BAZ2B: variants seen among roughly 807,000 people sequenced by gnomAD.
The protein encoded by BAZ2B is bromodomain adjacent to zinc finger domain 2B.
In BAZ2B, 91 loss-of-function variants were observed where a neutral mutation model predicts 246.0. That is an observed-to-expected ratio of 0.37 (90% CI 0.31 to 0.44). BAZ2B has a LOEUF of 0.44. BAZ2B is among the 20% of genes least tolerant of loss of function. BAZ2B has a pLI of 1.00. For missense variants in BAZ2B, 2,332 were observed against 2,533.7 expected (o/e 0.92, Z 1.71); for synonymous variants, 855 against 860.0 (o/e 0.99, Z 0.10).
At chr2:159,432,298 G>C (rs1029755911) in intron 9 of BAZ2B, among the ~76,000 whole-genome samples, 1 of 152,010 alleles carries the variant, frequency 6.6e-6, no homozygotes. Flanking sequence ...AATTAAATCA[G>C]AGAGTCCTCT....
At position 159,606,606 on chromosome 2, in the gene BAZ2B, G is replaced by A. The variant is rs1693552575; in HGVS notation, c.-46+9636C>T. Among the ~76,000 whole-genome samples, 7 of 152,128 alleles carry A rather than the reference G, an allele frequency of 4.6e-5. No individual in the cohort carries two copies. The South Asian group carries it at 1.4e-3, about 32-fold the overall frequency. On this transcript the variant is annotated intron_variant, in intron 1 of 36. Transcript: ENST00000392783. ...CACTAGATAACTTTTTATTTCCACTGTTTTCCATCTTTAATTTACCTCAAA... is the reference window on the plus strand; with the variant it reads ...CACTAGATAACTTTTTATTTCCACTATTTTCCATCTTTAATTTACCTCAAA...
chr2:159,457,728 C>T (rs761078751), intron 3 of BAZ2B, among the ~76,000 whole-genome samples: 1 of 152,258 alleles, frequency 6.6e-6, no homozygotes, highest in Non-Finnish European at 1.5e-5. Context: ...TATTTCTCAG[C>T]ACCACCTCCA....
intron 2 of BAZ2B, among the ~76,000 whole-genome samples, chr2:159,552,593 A>T (rs1179168402): frequency 6.6e-6 from 1 of 152,218 alleles, no homozygotes; most frequent in African/African-American, 2.4e-5. Context: ...TGACGTTAGT[A>T]CTTGAACTCT....
chr2:159,549,129 A>G (rs1426664065), intron 2 of BAZ2B, among the ~76,000 whole-genome samples: 2 of 152,072 alleles, frequency 1.3e-5, no homozygotes, highest in South Asian at 4.1e-4. Context: ...AAAAATAGAA[A>G]AATTAGCCAG....
intron 12 of BAZ2B, 113 bp downstream of exon 12, chr2:159,428,198 A>G: frequency 8.9e-7 from 1 of 1,119,180 alleles, no homozygotes; most frequent in Non-Finnish European, 1.3e-6. Context: ...AGTCCCATAC[A>G]AGAGAATATT....
the BAZ2B span, among the ~76,000 whole-genome samples, chr2:159,627,090 C>T: frequency 4.6e-5 from 7 of 152,106 alleles, no homozygotes; most frequent in Non-Finnish European, 8.8e-5. Flanking sequence ...ATTTCATAGA[C>T]ACATACACCG....
At chr2:159,483,061 G>A (rs1019258126) in intron 2 of BAZ2B, among the ~76,000 whole-genome samples, 1 of 151,928 alleles carries the variant, frequency 6.6e-6, no homozygotes, top group Non-Finnish European at 1.5e-5. Context: ...TTCAAAACCA[G>A]CCTAGATATC....
the BAZ2B span, among the ~76,000 whole-genome samples, chr2:159,642,240 T>TTC: frequency 2.1e-4 from 30 of 145,208 alleles, no homozygotes; most frequent in South Asian, 2.1e-3. Flanking sequence ...CTTTCTTTCT[T>TTC]TTTTTTTTTT....
the BAZ2B span, among the ~76,000 whole-genome samples, chr2:159,629,384 T>C: frequency 2.0e-5 from 3 of 152,178 alleles, no homozygotes; most frequent in African/African-American, 7.2e-5. Flanking sequence ...CATATGTTTA[T>C]TGCAGCACTA....
chr2:159,427,178 G>T (rs551578846), intron 13 of BAZ2B, among the ~76,000 whole-genome samples: 1 of 152,218 alleles, frequency 6.6e-6, no homozygotes, highest in East Asian at 1.9e-4. Context: ...AAGAATCTAG[G>T]TCTCATCACT....
intron 27 of BAZ2B, among the ~76,000 whole-genome samples, chr2:159,359,754 G>T (rs1408530114): frequency 6.6e-6 from 1 of 152,050 alleles, no homozygotes; most frequent in Non-Finnish European, 1.5e-5. Context: ...AAGCTTATCT[G>T]CCCTGATCAA....
At position 159,455,932 on chromosome 2, in the gene BAZ2B, T is replaced by C. The variant is rs148663462; in HGVS notation, c.146-2131A>G. Among the ~76,000 whole-genome samples the C allele has an allele frequency of 5.5e-4, 83 of 152,106 alleles. 1 individual carries two copies. In the East Asian group the frequency reaches 0.016, roughly 29 times the overall value. On this transcript the variant is annotated intron_variant, in intron 3 of 36. Coordinates refer to ENST00000392783, the MANE Select transcript of BAZ2B (RefSeq NM_013450.4). ...ACTTCCTGACTCAAATGTTGTTAAA[T>C]GTTTTATTTATAAACATACTATGAT...
At chr2:159,374,794 A>T (rs1475547993) in intron 25 of BAZ2B, 41 bp from the exon 26 acceptor site, 1 of 1,550,146 alleles carries the variant, frequency 6.5e-7, no homozygotes, top group African/African-American at 1.4e-5. Context: ...CTGTTTTAAG[A>T]TTTATTTATT....
intron 27 of BAZ2B, among the ~76,000 whole-genome samples, chr2:159,370,564 G>A (rs1421048425): frequency 6.6e-6 from 1 of 151,426 alleles, no homozygotes; most frequent in Non-Finnish European, 1.5e-5. Flanking sequence ...AGTAGAGACG[G>A]GGTTTCACCA....
intron 1 of BAZ2B, among the ~76,000 whole-genome samples, chr2:159,593,688 C>A (rs916692630): frequency 7.2e-5 from 11 of 152,178 alleles, no homozygotes; most frequent in Non-Finnish European, 1.0e-4. Flanking sequence ...CTTTGTCCAG[C>A]ATATCTACTC....
chr2:159,675,348 G>A, the BAZ2B span, among the ~76,000 whole-genome samples: 1 of 151,336 alleles, frequency 6.6e-6, no homozygotes, highest in Non-Finnish European at 1.5e-5. Flanking sequence ...CCCATTAACT[G>A]TAAAAATCCT....
chr2:159,611,121 T>G (rs1000004404), intron 1 of BAZ2B, among the ~76,000 whole-genome samples: 2 of 151,980 alleles, frequency 1.3e-5, no homozygotes, highest in Admixed American at 1.3e-4. Flanking sequence ...AAATCAAAGT[T>G]TGAACTTTTA....
intron 13 of BAZ2B, among the ~76,000 whole-genome samples, chr2:159,420,353 T>A (rs1375255477): frequency 6.6e-6 from 1 of 152,266 alleles, no homozygotes; most frequent in Non-Finnish European, 1.5e-5. Context: ...GACATTTTAC[T>A]TTTTATGGCT....
chr2:159,377,555 C>T (rs1445748573), intron 25 of BAZ2B, among the ~76,000 whole-genome samples: 1 of 152,106 alleles, frequency 6.6e-6, no homozygotes, highest in African/African-American at 2.4e-5. Flanking sequence ...TGGCTCATGC[C>T]TGTAATCCCA....
Sources: allele counts gnomAD v4.1 joint callset (sites outside exome capture counted in the v4.1 genomes callset), GRCh38; gene constraint gnomAD v4.1.1; transcripts MANE v1.5; gene names NCBI Gene and HGNC (gene_info 2026-07-23, HGNC 2026-07-21).